The following CHST9 variants were observed in gnomAD, a reference collection of about 807,000 sequenced individuals.
CHST9 encodes the protein carbohydrate sulfotransferase 9.
In CHST9, 41 loss-of-function variants were observed where a neutral mutation model predicts 44.4. That is an observed-to-expected ratio of 0.92 (90% CI 0.72 to 1.20). CHST9 has a LOEUF of 1.20. Among genes scored for constraint, CHST9 ranks in the 50% most tolerant of loss-of-function variants. The pLI is 0.00. For missense variants in CHST9, 504 were observed against 516.5 expected (o/e 0.98, Z 0.23); for synonymous variants, 171 against 178.4 (o/e 0.96, Z 0.33).
At chr18:27,063,524 AAAGTGG>A (rs1172480016) in intron 2 of CHST9, among the ~76,000 whole-genome samples, 1 of 152,218 alleles carries the variant, frequency 6.6e-6, no homozygotes, top group Admixed American at 6.5e-5. Context: ...TGAAGTAAAT[AAAGTGG>A]GATGGAGTTA....
At chr18:27,139,704 A>G (rs2058548955) in intron 2 of CHST9, among the ~76,000 whole-genome samples, 1 of 152,164 alleles carries the variant, frequency 6.6e-6, no homozygotes, top group Middle Eastern at 3.2e-3. Context: ...ATGAAATATT[A>G]CATAATTCAT....
chr18:27,161,768 C>T (rs2058749016), intron 1 of CHST9, among the ~76,000 whole-genome samples: 1 of 152,064 alleles, frequency 6.6e-6, no homozygotes, highest in African/African-American at 2.4e-5. Flanking sequence ...TCTCTAAGGA[C>T]TTGCTTTATG....
At position 26,916,499 on chromosome 18, in the gene CHST9, A is replaced by G. The variant is rs912153232; in HGVS notation, c.1092T>C (p.Tyr364=). Residue 364 remains tyrosine (Y), a synonymous_variant, in exon 6 of 6, where the codon TAT becomes TAC. Coordinates refer to ENST00000618847, the MANE Select transcript of CHST9 (RefSeq NM_031422.6). ...AAGTCTCAAATTTCCCTACAAAATCATAGTTGATCAAACACGGATAGCAGA... is the reference window on the plus strand; with the variant it reads ...AAGTCTCAAATTTCCCTACAAAATCGTAGTTGATCAAACACGGATAGCAGA... ...SKLCYPCLIN[Y]DFVGKFETLE... The G allele has an allele frequency of 1.2e-6, 2 of 1,613,846 alleles. No homozygotes were observed. The highest frequency in any genetic ancestry group is 1.3e-5 in the African/African-American group (1 of 75,026).
chr18:26,928,662 T>C (rs1455555352), intron 5 of CHST9, among the ~76,000 whole-genome samples: 1 of 152,064 alleles, frequency 6.6e-6, no homozygotes, highest in African/African-American at 2.4e-5. Context: ...GTTAGCACAG[T>C]GGGAATAGGA....
intron 4 of CHST9, among the ~76,000 whole-genome samples, chr18:26,970,831 T>C (rs1371371430): frequency 2.0e-5 from 3 of 152,214 alleles, no homozygotes; most frequent in Non-Finnish European, 4.4e-5. Context: ...TAGACATCCA[T>C]CACTGCAATC....
chr18:27,127,014 G>A (rs1254011358), intron 2 of CHST9, among the ~76,000 whole-genome samples: 3 of 152,156 alleles, frequency 2.0e-5, no homozygotes, highest in African/African-American at 4.8e-5. Flanking sequence ...GTCTTAGGTG[G>A]AGCCATTGCA....
At chr18:26,980,908 T>A (rs1403976755) in intron 4 of CHST9, among the ~76,000 whole-genome samples, 2 of 152,194 alleles carry the variant, frequency 1.3e-5, no homozygotes, top group African/African-American at 2.4e-5. Flanking sequence ...GCAGAAAGAA[T>A]ATGTAAAAAT....
chr18:27,078,485 A>C (rs58523134), intron 2 of CHST9, among the ~76,000 whole-genome samples: 3,193 of 152,240 alleles, frequency 0.021, 102 homozygotes, highest in African/African-American at 0.071. Flanking sequence ...ATATATATAT[A>C]TATCTCTCTC....
intron 1 of CHST9, among the ~76,000 whole-genome samples, chr18:27,154,340 G>A (rs2058682218): frequency 6.6e-6 from 1 of 151,898 alleles, no homozygotes; most frequent in African/African-American, 2.4e-5. Flanking sequence ...TTAAGCACAT[G>A]GTCAAATTCA....
At chr18:27,053,553 A>G (rs1016017410) in intron 2 of CHST9, among the ~76,000 whole-genome samples, 1 of 151,964 alleles carries the variant, frequency 6.6e-6, no homozygotes, top group Non-Finnish European at 1.5e-5. Context: ...TGAACTTTAT[A>G]TCTGTTCCTG....
chr18:27,075,151 C>CT (rs767642150), intron 2 of CHST9, among the ~76,000 whole-genome samples: 34 of 136,324 alleles, frequency 2.5e-4, no homozygotes, highest in South Asian at 4.7e-4. Context: ...TTGGGGGTTG[C>CT]TTTTTTTGTT....
intron 2 of CHST9, among the ~76,000 whole-genome samples, chr18:27,141,899 T>C (rs2058571119): frequency 6.6e-6 from 1 of 152,168 alleles, no homozygotes; most frequent in Non-Finnish European, 1.5e-5. Flanking sequence ...TATACATTTC[T>C]ATGATATTCT....
chr18:26,911,619 TGAG>T lies in CHST9; in HGVS notation c.*4637_*4639del, dbSNP rs2055441625. The T allele has an allele frequency of 6.6e-6, 1 of 152,184 alleles. No individual in the cohort carries two copies. The highest frequency in any genetic ancestry group is 1.5e-5 in the Non-Finnish European group (1 of 68,032). 9.4% of individuals were successfully genotyped at this position (152,184 alleles called of 1,614,324 possible). A position where few individuals can be genotyped will look rare whatever the true frequency, so the allele number is the denominator to read the frequency against. On this transcript the variant is annotated 3_prime_UTR_variant, in exon 6 of 6. Coordinates refer to ENST00000618847, the MANE Select transcript of CHST9 (RefSeq NM_031422.6). ...AGCATTCCAAATATAGTGTGAGACT[TGAG>T]GAGAGGTTTAGGGATGGAAAAAGAT...
intron 4 of CHST9, chr18:26,952,570 A>G: frequency 2.4e-6 from 1 of 409,430 alleles, no homozygotes; most frequent in Non-Finnish European, 4.7e-6. Context: ...TTTATTTTGA[A>G]CCATAGGCTC....
chr18:27,083,605 A>G (rs147855374), intron 2 of CHST9, among the ~76,000 whole-genome samples: 4 of 152,244 alleles, frequency 2.6e-5, no homozygotes, highest in African/African-American at 9.6e-5. Context: ...CATTTTATCC[A>G]ACATTTTTTT....
Position 26,916,926 on chromosome 18 carries a change from G to GC in CHST9, c.664dup (p.Ala222GlyfsTer39). ...AATTCTTTTCCAATTGGAACAGCCA[G>GC]CCTTAGGTACCTCACAATATAAGAT... On this transcript the variant is annotated frameshift_variant, in exon 6 of 6. Transcript: ENST00000618847. LOFTEE classifies it high-confidence loss of function. 6.2e-7 allele frequency: 1 copy of GC among 1,613,786 alleles called. No homozygotes were observed. Among genetic ancestry groups the GC allele is most frequent in the Non-Finnish European group, 8.5e-7 (1 of 1,179,808 alleles).
intron 3 of CHST9, among the ~76,000 whole-genome samples, chr18:27,044,974 G>T (rs1378772033): frequency 1.3e-5 from 2 of 151,358 alleles, no homozygotes; most frequent in Non-Finnish European, 2.9e-5. Flanking sequence ...TAAGCCGCAA[G>T]GGACTGAGTT....
At chr18:26,945,337 C>T (rs1024894071) in intron 4 of CHST9, among the ~76,000 whole-genome samples, 3 of 152,162 alleles carry the variant, frequency 2.0e-5, no homozygotes, top group Admixed American at 6.5e-5. Flanking sequence ...ATATTACAAC[C>T]AAGGTATTAA....
intron 2 of CHST9, among the ~76,000 whole-genome samples, chr18:27,127,336 G>A (rs9945788): frequency 0.81 from 122,680 of 152,140 alleles, 49,780 homozygotes; most frequent in East Asian, 0.92. Flanking sequence ...AGAAAACTGG[G>A]AAGGCCTGTC....
Sources: allele counts gnomAD v4.1 joint callset (sites outside exome capture counted in the v4.1 genomes callset), GRCh38; gene constraint gnomAD v4.1.1; transcripts MANE v1.5; gene names NCBI Gene and HGNC (gene_info 2026-07-23, HGNC 2026-07-21).